The following CCDC93 variants were observed in gnomAD, a reference collection of about 807,000 sequenced individuals.
CCDC93 encodes coiled-coil domain-containing protein 93.
A neutral mutation model predicts 108.2 loss-of-function variants in CCDC93; 61 were observed. That is an observed-to-expected ratio of 0.56 (90% CI 0.46 to 0.70). The LOEUF is 0.70. Ranked by LOEUF, CCDC93 falls within the 30% of genes least tolerant of loss-of-function variation. CCDC93 has a pLI of 0.00. For synonymous variants in CCDC93, 276 were observed against 260.4 expected (o/e 1.06, Z -0.58); for missense variants, 685 against 764.2 (o/e 0.90, Z 1.22).
chr2:117,928,077 G>C (rs1366569138), intron 23 of CCDC93, among the ~76,000 whole-genome samples: 1 of 130,580 alleles, frequency 7.7e-6, no homozygotes, highest in Non-Finnish European at 1.7e-5. Flanking sequence ...GCTGAAACTG[G>C]ATCCCTTCGT....
rs972878047 is a variant in CCDC93, at chr2:117,995,554, C to T, written c.463-52G>A. 4 of 1,298,492 alleles carry T rather than the reference C, an allele frequency of 3.1e-6. No individual in the cohort carries two copies. In the African/African-American group the frequency reaches 8.3e-5, roughly 27 times the overall value. The allele number at this position is 1,298,492 out of a possible 1,614,324, so 80.4% of individuals were successfully genotyped here. A position where few individuals can be genotyped will look rare whatever the true frequency, so the allele number is the denominator to read the frequency against. ...CAAATCCCAAGGGAAAATTAAAACT[C>T]AAGTGGACCACTCAGATATGTCTTA... is the stretch of plus-strand genomic sequence containing the variant. On this transcript the variant is annotated intron_variant, in intron 5 of 23. Transcript: ENST00000376300.
rs760132077 is a variant in CCDC93 at position 117,975,288 on chromosome 2, G to T, written c.658-8C>A. On this transcript the variant is annotated splice_polypyrimidine_tract_variant and splice_region_variant and intron_variant, in intron 8 of 23. Coordinates refer to ENST00000376300, the MANE Select transcript of CCDC93 (RefSeq NM_019044.5). Reference sequence around the variant, plus strand: ...CGTTTTCTTGTCCTCAGCCTGCAAGGGAAGATGTGAAAACAGCTGAGCACG... The same window carrying T: ...CGTTTTCTTGTCCTCAGCCTGCAAGTGAAGATGTGAAAACAGCTGAGCACG... The T allele has an allele frequency of 1.9e-6, 3 of 1,608,498 alleles. No homozygotes were observed. The South Asian group carries it at 3.3e-5, about 18-fold the overall frequency.
intron 4 of CCDC93, chr2:117,996,772 A>G (rs1680665672): frequency 6.3e-6 from 1 of 158,614 alleles, no homozygotes; most frequent in Non-Finnish European, 1.4e-5. Context: ...GCAGATCTTC[A>G]TGTAAATCTC....
At position 117,929,764 on chromosome 2, in the gene CCDC93, G is replaced by C. The variant is rs910675255; in HGVS notation, c.1842+1273C>G. Among the ~76,000 whole-genome samples the C allele has an allele frequency of 3.3e-5, 5 of 152,140 alleles. No individual in the cohort carries two copies. The South Asian group carries it at 8.3e-4, about 25-fold the overall frequency. ...GCTGCAGCCTGTGCTAGCCTCAAAG[G>C]AGTCCCAGACTGAGCCGCAGACCCT... On this transcript the variant is annotated intron_variant, in intron 23 of 23. Coordinates refer to ENST00000376300, the MANE Select transcript of CCDC93 (RefSeq NM_019044.5).
At chr2:117,990,505 C>T (rs529531800) in intron 6 of CCDC93, among the ~76,000 whole-genome samples, 1 of 152,106 alleles carries the variant, frequency 6.6e-6, no homozygotes, top group East Asian at 1.9e-4. Flanking sequence ...GGCAATCTGG[C>T]AAGAAGTATT....
At chr2:117,962,599 C>T (rs938592852) in intron 11 of CCDC93, among the ~76,000 whole-genome samples, 2 of 152,170 alleles carry the variant, frequency 1.3e-5, no homozygotes, top group African/African-American at 4.8e-5. Context: ...GCCGAGGTCA[C>T]ACCACTACAC....
At chr2:117,950,931 A>G in intron 13 of CCDC93, 1 of 985,440 alleles carries the variant, frequency 1.0e-6, no homozygotes, top group Non-Finnish European at 1.2e-6. Flanking sequence ...GACTGCAGGA[A>G]TGATATGCCC....
intron 6 of CCDC93, among the ~76,000 whole-genome samples, chr2:117,992,227 A>G (rs1031077008): frequency 2.0e-5 from 3 of 151,970 alleles, no homozygotes; most frequent in Non-Finnish European, 4.4e-5. Context: ...GGGACTCACA[A>G]TTTTTTTCCA....
At chr2:117,989,909 G>T (rs374624394) in intron 6 of CCDC93, among the ~76,000 whole-genome samples, 111 of 152,306 alleles carry the variant, frequency 7.3e-4, no homozygotes, top group African/African-American at 2.6e-3. Flanking sequence ...GAACACACTG[G>T]ACTGGTAACT....
intron 18 of CCDC93, among the ~76,000 whole-genome samples, chr2:117,941,739 G>T (rs111686729): frequency 1.6e-4 from 25 of 152,280 alleles, no homozygotes; most frequent in African/African-American, 5.8e-4. Flanking sequence ...TGGTTAAAAA[G>T]CTCCTGCAAC....
intron 6 of CCDC93, among the ~76,000 whole-genome samples, chr2:117,995,235 G>A (rs1680607017): frequency 6.6e-6 from 1 of 152,228 alleles, no homozygotes; most frequent in Admixed American, 6.5e-5. Flanking sequence ...TGAGGGGACA[G>A]AACAGTAGTG....
intron 2 of CCDC93, among the ~76,000 whole-genome samples, chr2:118,008,150 T>G (rs1239171267): frequency 6.6e-6 from 1 of 152,230 alleles, no homozygotes; most frequent in Non-Finnish European, 1.5e-5. Flanking sequence ...TCTCTCATCC[T>G]AAATCAGAGC....
At chr2:117,948,603 T>C (rs943579250) in intron 14 of CCDC93, among the ~76,000 whole-genome samples, 1 of 152,234 alleles carries the variant, frequency 6.6e-6, no homozygotes, top group African/African-American at 2.4e-5. Context: ...AATAAAAATA[T>C]CAACTATCTG....
intron 11 of CCDC93, among the ~76,000 whole-genome samples, chr2:117,960,416 C>T (rs1487319368): frequency 1.3e-5 from 2 of 152,212 alleles, no homozygotes; most frequent in African/African-American, 2.4e-5. Context: ...GCTGAGTAAA[C>T]TCATTCAATT....
intron 7 of CCDC93, 113 bp downstream of exon 7, chr2:117,985,856 T>C (rs1194719835): frequency 9.5e-6 from 6 of 633,946 alleles, no homozygotes; most frequent in African/African-American, 1.9e-5. Context: ...GGAAATCTCA[T>C]GGCTGAAGGC....
chr2:117,936,512 T>C (rs1037593610), intron 21 of CCDC93, 190 bp downstream of exon 21: 10 of 588,822 alleles, frequency 1.7e-5, no homozygotes, highest in African/African-American at 9.1e-5. Flanking sequence ...ACTATCATTA[T>C]AGTTTTGCAG....
At chr2:117,952,980 T>C (rs1375089822) in intron 12 of CCDC93, among the ~76,000 whole-genome samples, 1 of 152,230 alleles carries the variant, frequency 6.6e-6, no homozygotes, top group African/African-American at 2.4e-5. Context: ...CTGTTCCAAC[T>C]TACATAACTG....
chr2:118,012,051 C>T (rs1319888019), intron 1 of CCDC93, among the ~76,000 whole-genome samples: 11 of 152,154 alleles, frequency 7.2e-5, no homozygotes, highest in Admixed American at 7.2e-4. Flanking sequence ...TTTCAATTTC[C>T]GTCCACTATA....
intron 7 of CCDC93, among the ~76,000 whole-genome samples, chr2:117,979,940 G>C (rs541165677): frequency 7.9e-5 from 12 of 152,314 alleles, no homozygotes; most frequent in Non-Finnish European, 1.3e-4. Flanking sequence ...AGTTAAAGGA[G>C]GAAAGAGGGA....
Sources: gnomAD v4.1 joint callset for allele counts (sites outside exome capture counted in the v4.1 genomes callset) on GRCh38, gnomAD v4.1.1 for gene constraint, MANE v1.5 for transcripts, NCBI Gene and HGNC (gene_info 2026-07-23, HGNC 2026-07-21) for gene names.